SLC16A11: variants seen among roughly 807,000 people sequenced by gnomAD.
SLC16A11 encodes the protein solute carrier family 16 member 11, also known as monocarboxylate transporter 11.
A neutral mutation model predicts 26.0 loss-of-function variants in SLC16A11; 24 were observed. That is an observed-to-expected ratio of 0.92 (90% CI 0.67 to 1.30). The LOEUF (loss-of-function observed/expected upper bound fraction) is 1.30, where lower values mean the gene tolerates loss of function less well. Among genes scored for constraint, SLC16A11 ranks in the 50% most tolerant of loss-of-function variants. The pLI, the probability that SLC16A11 is intolerant of heterozygous loss-of-function variation, is 0.00. For missense variants in SLC16A11, 638 were observed against 597.7 expected, an observed-to-expected ratio of 1.07 and a Z score of -0.70; for synonymous variants, 332 against 296.0, an observed-to-expected ratio of 1.12 and a Z score of -1.25.
In SLC16A11 at chr17:7,042,206, C is replaced by T. The variant is rs547077705; in HGVS notation, c.904G>A (p.Val302Met). 6.4e-7 allele frequency: 1 copy of T among 1,571,878 alleles called. No homozygotes were observed. Among genetic ancestry groups the T allele is most frequent in the Admixed American group, 1.8e-5 (1 of 55,922 alleles). The change falls in exon 4 of 5, where the codon GTG becomes ATG. Residue 302 changes from valine (V) to methionine (M), a missense_variant. Coordinates refer to ENST00000574600, the MANE Select transcript of SLC16A11 (RefSeq NM_001370549.1). This position sits in a 1 kb window ranked among gnomAD's most constrained non-coding sequence, Gnocchi z 5.9. ...GALTGLGLWV[V>M]GLVPVVGGEE... ...CCGCCCACCACGGGCACCAGCCCCA[C>T]CACCCACAGCCCCAGCCCAGTCAGA... is the stretch of plus-strand genomic sequence containing the variant.
At chr17:7,043,178 T>A (rs550698715) in intron 2 of SLC16A11, 105 bp from the exon 3 acceptor site, 1 of 1,461,406 alleles carries the variant, frequency 6.8e-7, no homozygotes, top group Admixed American at 2.6e-5. Flanking sequence ...GTTCTTCTCC[T>A]TGACCTCAAG....
chr17:7,043,301 G>C lies in SLC16A11; in HGVS notation c.202+11C>G. 2 of 1,599,550 alleles carry C rather than the reference G, an allele frequency of 1.3e-6. No homozygotes were observed. The highest frequency in any genetic ancestry group is 1.7e-6 in the Non-Finnish European group (2 of 1,174,092). On this transcript the variant is annotated intron_variant, in intron 2 of 4. Transcript: ENST00000574600. ...CCCCGTTCCTGTCTCCCGCCTCAGG[G>C]CCCCCCTCACTGGCTGCCTGCTGCA...
In SLC16A11 at chr17:7,041,665, A is replaced by G; in HGVS notation, c.*14T>C. ...AAATTCTTTATTGGGGGAGGGGCTC[A>G]AACAAGAAAATAATCAACAAGTGGT... On this transcript the variant is annotated 3_prime_UTR_variant, in exon 5 of 5. Transcript: ENST00000574600. 1 of 1,568,652 alleles carries G rather than the reference A, an allele frequency of 6.4e-7. No individual in the cohort carries two copies. Among genetic ancestry groups the G allele is most frequent in the East Asian group, 2.3e-5 (1 of 44,316 alleles).
In SLC16A11 at chr17:7,043,427, G is replaced by T. The variant is rs374872365; in HGVS notation, c.87C>A (p.Tyr29Ter). The T allele has an allele frequency of 6.9e-6, 11 of 1,602,020 alleles. No homozygotes were observed. The highest frequency in any genetic ancestry group is 1.3e-5 in the African/African-American group (1 of 74,848). The change falls in exon 2 of 5, where the codon TAC (tyrosine) becomes TAA (stop). Residue 29 changes from tyrosine (Y) to a stop codon, truncating the protein, a stop_gained. Coordinates refer to ENST00000574600, the MANE Select transcript of SLC16A11 (RefSeq NM_001370549.1). LOFTEE classifies it high-confidence loss of function. ...AAAFAINGLS[Y>*]GLLRSLGLAF... The stretch of plus-strand genomic sequence containing the variant: ...CAAGGCCCAGCGAGCGCAGCAGCCC[G>T]TAGGACAGCCCGTTTATCGCGAAGG...
rs999265538 is a variant in SLC16A11 at position 7,042,220 on chromosome 17, A to T, written c.890T>A (p.Leu297Gln). Residue 297 changes from leucine (L) to glutamine (Q), a missense_variant, in exon 4 of 5, where the codon CTG becomes CAG. Physicochemically the swap from Leu to Gln is moderately radical, Grantham distance 113. Coordinates refer to ENST00000574600, the MANE Select transcript of SLC16A11 (RefSeq NM_001370549.1). The surrounding 1 kb of genome is among the most constrained non-coding windows in gnomAD (Gnocchi z 5.9). ...LLAVFGALTG[L>Q]GLWVVGLVPV... is the part of the protein sequence containing the mutation. ...CACCAGCCCCACCACCCACAGCCCC[A>T]GCCCAGTCAGAGCCCCGAATACGGC... 1.3e-6 allele frequency: 2 copies of T among 1,577,018 alleles called. No homozygotes were observed. The highest frequency in any genetic ancestry group is 3.5e-5 in the Admixed American group (2 of 56,638).
At position 7,042,006 on chromosome 17, in the gene SLC16A11, A is replaced by G. The variant is rs1413873596; in HGVS notation, c.1104T>C (p.Pro368=). The change falls in exon 4 of 5, where the codon CCT becomes CCC. Residue 368 remains proline (P), a synonymous_variant. Coordinates refer to ENST00000574600, the MANE Select transcript of SLC16A11 (RefSeq NM_001370549.1). This position sits in a 1 kb window ranked among gnomAD's most constrained non-coding sequence, Gnocchi z 5.9. ...AGCTCAGGTCCTTACCTGACAGGGG[A>G]GGGCCCAGGAGCCCCCCGAGGCTCA... ...MLMSLGGLLG[P]PLSGFLRDET... 2 of 1,577,962 alleles carry G rather than the reference A, an allele frequency of 1.3e-6. No individual in the cohort carries two copies. Among genetic ancestry groups the G allele is most frequent in the Admixed American group, 1.8e-5 (1 of 56,820 alleles).
rs544034759 is a variant in SLC16A11, at chr17:7,043,635, G to A, written c.-6-116C>T. ...TCGCCCGGGGTGGGCCCGTCACTCCGAGCGCGATGGCGCGGGGCGGAGGGA... is the reference window on the plus strand; with the variant it reads ...TCGCCCGGGGTGGGCCCGTCACTCCAAGCGCGATGGCGCGGGGCGGAGGGA... On this transcript the variant is annotated intron_variant, in intron 1 of 4. Coordinates refer to ENST00000574600, the MANE Select transcript of SLC16A11 (RefSeq NM_001370549.1). The A allele has an allele frequency of 4.4e-5, 65 of 1,494,000 alleles. No homozygotes were observed. In the South Asian group the frequency reaches 8.2e-4, roughly 19 times the overall value. The allele number at this position is 1,494,000 out of a possible 1,614,324, so 92.5% of individuals were successfully genotyped here.
chr17:7,041,676 T>C lies in SLC16A11; in HGVS notation c.*3A>G, dbSNP rs759337007. 3.2e-6 allele frequency: 5 copies of C among 1,570,960 alleles called. No homozygotes were observed. The highest frequency in any genetic ancestry group is 3.9e-5 in the Admixed American group (2 of 51,034). On this transcript the variant is annotated 3_prime_UTR_variant, in exon 5 of 5. Coordinates refer to ENST00000574600, the MANE Select transcript of SLC16A11 (RefSeq NM_001370549.1). Reference sequence around the variant, plus strand: ...TGGGGGAGGGGCTCAAACAAGAAAATAATCAACAAGTGGTGTCCAGAGTGG... The same window carrying C: ...TGGGGGAGGGGCTCAAACAAGAAAACAATCAACAAGTGGTGTCCAGAGTGG...
rs1355884366 is a variant in SLC16A11, at chr17:7,041,815, G to A, written c.1208C>T (p.Pro403Leu). ...TGGACCACAGGAGGGCAGCGCCCTG[G>A]GCAACCCTATGTAGATGAAGCTGCC... ...LSGSFIYIGL[P>L]RALPSCGPAS... is the part of the protein sequence containing the mutation. The change falls in exon 5 of 5, where the codon CCC becomes CTC. Residue 403 changes from proline to leucine, a missense_variant. Transcript: ENST00000574600. 3.9e-5 allele frequency: 63 copies of A among 1,613,870 alleles called. No individual in the cohort carries two copies. Among genetic ancestry groups the A allele is most frequent in the Non-Finnish European group, 4.8e-5 (57 of 1,179,950 alleles).
At position 7,043,638 on chromosome 17, in the gene SLC16A11, C is replaced by A. The variant is rs561041005; in HGVS notation, c.-6-119G>T. 77 of 1,491,386 alleles carry A rather than the reference C, an allele frequency of 5.2e-5. No individual in the cohort carries two copies. In the African/African-American group the frequency reaches 8.7e-4, roughly 17 times the overall value. The allele number at this position is 1,491,386 out of a possible 1,614,324, so 92.4% of individuals were successfully genotyped here. The stretch of plus-strand genomic sequence containing the variant: ...CCCGGGGTGGGCCCGTCACTCCGAG[C>A]GCGATGGCGCGGGGCGGAGGGAGCC... On this transcript the variant is annotated intron_variant, in intron 1 of 4. Coordinates refer to ENST00000574600, the MANE Select transcript of SLC16A11 (RefSeq NM_001370549.1).
In SLC16A11 at chr17:7,042,648, C is replaced by T. The variant is rs1010796102; in HGVS notation, c.462G>A (p.Leu154=). 1 of 1,567,198 alleles carries T rather than the reference C, an allele frequency of 6.4e-7. No homozygotes were observed. Among genetic ancestry groups the T allele is most frequent in the Admixed American group, 1.9e-5 (1 of 51,830 alleles). ...LALTGNGASS[L]LLAPALQLLL... Reference sequence around the variant, plus strand: ...GAAGCTGCAAGGCGGGCGCCAGGAGCAGCGAGGAGGCCCCGTTGCCGGTGA... The same window carrying T: ...GAAGCTGCAAGGCGGGCGCCAGGAGTAGCGAGGAGGCCCCGTTGCCGGTGA... The change falls in exon 4 of 5, where the codon CTG becomes CTA. Residue 154 remains leucine (L), a synonymous_variant. Coordinates refer to ENST00000574600, the MANE Select transcript of SLC16A11 (RefSeq NM_001370549.1). The surrounding 1 kb of genome is among the most constrained non-coding windows in gnomAD (Gnocchi z 5.9).
At chr17:7,043,628 T>A in intron 1 of SLC16A11, 109 bp from the exon 2 acceptor site, 1 of 1,499,320 alleles carries the variant, frequency 6.7e-7, no homozygotes, top group South Asian at 1.3e-5. Context: ...GGTGGGCCCG[T>A]CACTCCGAGC....
At position 7,043,072 on chromosome 17, in the gene SLC16A11, G is replaced by A; in HGVS notation, c.204C>T (p.Ser68=). The A allele has an allele frequency of 6.5e-7, 1 of 1,540,136 alleles. No individual in the cohort carries two copies. The highest frequency in any genetic ancestry group is 8.7e-7 in the Non-Finnish European group (1 of 1,143,256). ...ALALAVQQAA[S]PVGSALSTRW... ...GCGTGCTCAGGGCGCTGCCCACGGG[G>A]CCTGAAAGGGGGCGGAGTCAACGGA... is the stretch of plus-strand genomic sequence containing the variant. The change falls in exon 3 of 5, where the codon AGC becomes AGT. Residue 68 remains serine, a splice_region_variant and synonymous_variant. Coordinates refer to ENST00000574600, the MANE Select transcript of SLC16A11 (RefSeq NM_001370549.1).
chr17:7,042,980 G>A lies in SLC16A11; in HGVS notation c.296C>T (p.Ala99Val). The A allele has an allele frequency of 6.2e-7, 1 of 1,612,022 alleles. No homozygotes were observed. The change falls in exon 3 of 5, where the codon GCT (alanine) becomes GTT (valine). Residue 99 changes from alanine to valine, a missense_variant. Transcript: ENST00000574600. The surrounding 1 kb of genome is among the most constrained non-coding windows in gnomAD (Gnocchi z 5.9). ...VLASLGFVFS[A>V]FASDLLHLYL... ...GAGATGCAGCAGATCGCTGGCGAAAGCCGAGAAGACGAAGCCCAGCGAGGC... is the reference window on the plus strand; with the variant it reads ...GAGATGCAGCAGATCGCTGGCGAAAACCGAGAAGACGAAGCCCAGCGAGGC...
chr17:7,042,578 C>G lies in SLC16A11; in HGVS notation c.532G>C (p.Ala178Pro). ...CAGGGGGTGAGGTGGAGGGTGATCG[C>G]GCCGAGGAGGAGCAGAGCGCCCCGC... is the stretch of plus-strand genomic sequence containing the variant. ...GWRGALLLLGAITLHLTPCGA... is the reference protein window; with the variant it reads ...GWRGALLLLGPITLHLTPCGA... Residue 178 changes from alanine (A) to proline (P), a missense_variant, in exon 4 of 5, where the codon GCG (alanine) becomes CCG (proline). Physicochemically the swap from Ala to Pro is conservative, Grantham distance 27 (BLOSUM62 -1). Coordinates refer to ENST00000574600, the MANE Select transcript of SLC16A11 (RefSeq NM_001370549.1). This position sits in a 1 kb window ranked among gnomAD's most constrained non-coding sequence, Gnocchi z 5.9. 4.4e-6 allele frequency: 7 copies of G among 1,583,286 alleles called. No individual in the cohort carries two copies. Among genetic ancestry groups the G allele is most frequent in the Non-Finnish European group, 6.0e-6 (7 of 1,167,524 alleles).
Position 7,042,427 on chromosome 17 carries a change from G to A in SLC16A11, c.683C>T (p.Ala228Val). 6.4e-7 allele frequency: 1 copy of A among 1,558,172 alleles called. No homozygotes were observed. Among genetic ancestry groups the A allele is most frequent in the Non-Finnish European group, 8.7e-7 (1 of 1,150,482 alleles). ...AACGAAGTACCCGCCCCCAACCAGGGCTGTGCCTAGAGCAAAGATTGAGAA... is the reference window on the plus strand; with the variant it reads ...AACGAAGTACCCGCCCCCAACCAGGACTGTGCCTAGAGCAAAGATTGAGAA... ...RAFSIFALGT[A>V]LVGGGYFVPY... The change falls in exon 4 of 5, where the codon GCC becomes GTC. Residue 228 changes from alanine (A) to valine (V), a missense_variant. Physicochemically the swap from Ala to Val is moderately conservative, Grantham distance 64. Transcript: ENST00000574600. This position sits in a 1 kb window ranked among gnomAD's most constrained non-coding sequence, Gnocchi z 5.9.
Position 7,042,985 on chromosome 17 carries a change from G to A in SLC16A11, c.291C>T (p.Phe97=), listed in dbSNP as rs1481838021. The A allele has an allele frequency of 1.9e-6, 3 of 1,611,394 alleles. No homozygotes were observed. The stretch of plus-strand genomic sequence containing the variant: ...GCAGCAGATCGCTGGCGAAAGCCGA[G>A]AAGACGAAGCCCAGCGAGGCGAGGA... ...GGVLASLGFV[F]SAFASDLLHL... is the part of the protein sequence containing the mutation. The change falls in exon 3 of 5, where the codon TTC becomes TTT. Residue 97 remains phenylalanine (F), a synonymous_variant. Coordinates refer to ENST00000574600, the MANE Select transcript of SLC16A11 (RefSeq NM_001370549.1). The surrounding 1 kb of genome is among the most constrained non-coding windows in gnomAD (Gnocchi z 5.9).
rs760060897 is a variant in SLC16A11, at chr17:7,041,920, G to A, written c.1115-12C>T. On this transcript the variant is annotated splice_polypyrimidine_tract_variant and intron_variant, in intron 4 of 4. Transcript: ENST00000574600. ...ATCCCTTAGGAAGCCTGAGGAGATG[G>A]GTAAGGGCATTTAGAAGCCTCGAAC... is the stretch of plus-strand genomic sequence containing the variant. The A allele has an allele frequency of 3.7e-6, 6 of 1,612,280 alleles. No individual in the cohort carries two copies. Among genetic ancestry groups the A allele is most frequent in the African/African-American group, 1.3e-5 (1 of 74,814 alleles).
At position 7,042,826 on chromosome 17, in the gene SLC16A11, C is replaced by A; in HGVS notation, c.347-63G>T. On this transcript the variant is annotated intron_variant, in intron 3 of 4. Transcript: ENST00000574600. This position sits in a 1 kb window ranked among gnomAD's most constrained non-coding sequence, Gnocchi z 5.9. Reference sequence around the variant, plus strand: ...GGACGCCCGCCCCAGCATTCCCAGCCCGGCTCTCCGCACCAGGCCCCCGCC... The same window carrying A: ...GGACGCCCGCCCCAGCATTCCCAGCACGGCTCTCCGCACCAGGCCCCCGCC... 1 of 1,567,110 alleles carries A rather than the reference C, an allele frequency of 6.4e-7. No homozygotes were observed. Among genetic ancestry groups the A allele is most frequent in the Non-Finnish European group, 8.6e-7 (1 of 1,157,042 alleles).
Sources: allele counts gnomAD v4.1 joint callset, GRCh38; gene constraint gnomAD v4.1.1; non-coding constraint Gnocchi (gnomAD v3.1); transcripts MANE v1.5; gene names NCBI Gene and HGNC (gene_info 2026-07-23, HGNC 2026-07-21).